NDP: variants seen among roughly 807,000 people sequenced by gnomAD.
The protein encoded by NDP is norrin cystine knot growth factor NDP, also known as norrin.
A neutral mutation model predicts 8.4 loss-of-function variants in NDP; 2 were observed. That is an observed-to-expected ratio of 0.24 (90% CI 0.10 to 0.75). The LOEUF (loss-of-function observed/expected upper bound fraction) is 0.75, where lower values mean the gene tolerates loss of function less well. NDP is among the 30% of genes least tolerant of loss of function. The probability of loss-of-function intolerance (pLI) is 0.73; values close to 1 mark genes in which losing one functional copy is unlikely to be tolerated. For missense variants in NDP, 81 were observed against 110.1 expected (o/e 0.74, Z 1.18); for synonymous variants, 55 against 45.6 (o/e 1.21, Z -0.83).
At chrX:43,967,078 A>T (rs1363960028) in intron 1 of NDP, among the ~76,000 whole-genome samples, 3 of 111,140 alleles carry the variant, frequency 2.7e-5, no homozygotes, top group Admixed American at 9.6e-5. Flanking sequence ...GTGTCCCTAT[A>T]TTGCTGATAA....
At chrX:43,972,479 A>G (rs369130100) in intron 1 of NDP, among the ~76,000 whole-genome samples, 1 of 111,626 alleles carries the variant, frequency 9.0e-6, no homozygotes, top group Non-Finnish European at 1.9e-5. Flanking sequence ...GGTAGGAGTC[A>G]TTCCTACAGG....
chrX:43,952,485 T>G (rs1602064548), intron 2 of NDP, among the ~76,000 whole-genome samples: 1 of 112,239 alleles, frequency 8.9e-6, no homozygotes, highest in East Asian at 2.8e-4. Context: ...GGGCCAACAA[T>G]GATATGGGAC....
intron 1 of NDP, among the ~76,000 whole-genome samples, chrX:43,967,296 A>G (rs978125846): frequency 9.0e-6 from 1 of 111,590 alleles, no homozygotes; most frequent in Admixed American, 9.5e-5. Context: ...AATCACAGCA[A>G]TGCAATGAGC....
chrX:43,961,109 A>C (rs1215572763), intron 1 of NDP, among the ~76,000 whole-genome samples: 4 of 112,767 alleles, frequency 3.5e-5, no homozygotes, highest in Non-Finnish European at 3.7e-5. Context: ...TGAAAATTAA[A>C]GTACTTTGAA....
intron 2 of NDP, among the ~76,000 whole-genome samples, chrX:43,954,014 A>G (rs1360286643): frequency 8.9e-6 from 1 of 112,560 alleles, no homozygotes; most frequent in Non-Finnish European, 1.9e-5. Flanking sequence ...CACCATTAGC[A>G]TCAGAATAAA....
chrX:43,956,595 T>C (rs113939155), intron 2 of NDP, among the ~76,000 whole-genome samples: 2,565 of 111,555 alleles, frequency 0.023, 75 homozygotes, highest in African/African-American at 0.077. Context: ...TAGAGAAAAA[T>C]CTAACCTAGA....
chrX:43,956,454 G>A (rs1258498797), intron 2 of NDP, among the ~76,000 whole-genome samples: 1 of 111,969 alleles, frequency 8.9e-6, no homozygotes, highest in East Asian at 2.8e-4. Flanking sequence ...TAGGCTAAAT[G>A]TTTTATCCAA....
At chrX:43,955,980 G>A (rs978926377) in intron 2 of NDP, among the ~76,000 whole-genome samples, 1 of 112,225 alleles carries the variant, frequency 8.9e-6, no homozygotes, top group Non-Finnish European at 1.9e-5. Flanking sequence ...TTCTACTTGT[G>A]TTCCTCCAAT....
chrX:43,957,551 T>G (rs2035801841), intron 2 of NDP, among the ~76,000 whole-genome samples: 1 of 110,578 alleles, frequency 9.0e-6, no homozygotes, highest in Non-Finnish European at 1.9e-5. Flanking sequence ...AGTCATAATG[T>G]TTTTGAATGG....
At chrX:43,955,298 T>C (rs772055636) in intron 2 of NDP, among the ~76,000 whole-genome samples, 38 of 112,409 alleles carry the variant, frequency 3.4e-4, no homozygotes, top group Admixed American at 9.4e-4. Flanking sequence ...ATTAAATGGC[T>C]ATTATGTGCT....
At chrX:43,970,853 A>G (rs755668466) in intron 1 of NDP, among the ~76,000 whole-genome samples, 1 of 112,053 alleles carries the variant, frequency 8.9e-6, no homozygotes, top group African/African-American at 3.2e-5. Context: ...CAGGGTGCTC[A>G]GGAGAGCAGA....
intron 1 of NDP, among the ~76,000 whole-genome samples, chrX:43,964,206 C>G (rs1017283819): frequency 6.3e-5 from 7 of 111,539 alleles, no homozygotes; most frequent in Admixed American, 1.9e-4. Flanking sequence ...TTCTCCCAAC[C>G]TGCACTACTA....
chrX:43,970,527 C>T (rs747059995), intron 1 of NDP, among the ~76,000 whole-genome samples: 2 of 109,536 alleles, frequency 1.8e-5, no homozygotes, highest in South Asian at 3.9e-4. Context: ...TTTTTTTTTT[C>T]CCCCAGTAAC....
At chrX:43,950,922 G>A (rs1360578231) in intron 2 of NDP, among the ~76,000 whole-genome samples, 1 of 111,483 alleles carries the variant, frequency 9.0e-6, no homozygotes, top group Non-Finnish European at 1.9e-5. Flanking sequence ...TGGAAAAAAG[G>A]ATCATTTATG....
At chrX:43,962,932 C>A (rs2035834731) in intron 1 of NDP, among the ~76,000 whole-genome samples, 2 of 112,276 alleles carry the variant, frequency 1.8e-5, no homozygotes, top group African/African-American at 6.5e-5. Flanking sequence ...CGGGCCCAGC[C>A]TCCTGGGTGA....
intron 2 of NDP, 135 bp from the exon 3 acceptor site, chrX:43,950,161 AT>A (rs112297052): frequency 7.5e-5 from 41 of 547,145 alleles, no homozygotes; most frequent in African/African-American, 4.2e-4. Context: ...TGCATGTTGC[AT>A]TTTTTTTAAG....
At chrX:43,957,991 T>G (rs1181844188) in intron 2 of NDP, among the ~76,000 whole-genome samples, 3 of 110,106 alleles carry the variant, frequency 2.7e-5, no homozygotes, top group African/African-American at 9.9e-5. Flanking sequence ...TATTGCCATC[T>G]TATCTTTTGA....
intron 2 of NDP, among the ~76,000 whole-genome samples, chrX:43,951,302 C>A (rs2035760102): frequency 9.1e-6 from 1 of 109,368 alleles, no homozygotes; most frequent in Non-Finnish European, 1.9e-5. Context: ...GTAGTCCCAG[C>A]TACTTTGGCA....
At chrX:43,956,589 G>A (rs2035794229) in intron 2 of NDP, among the ~76,000 whole-genome samples, 1 of 111,718 alleles carries the variant, frequency 9.0e-6, no homozygotes, top group Admixed American at 9.5e-5. Flanking sequence ...GATACATAGA[G>A]AAAAATCTAA....
Sources: allele counts gnomAD v4.1 joint callset (sites outside exome capture counted in the v4.1 genomes callset), GRCh38; gene constraint gnomAD v4.1.1; transcripts MANE v1.5; gene names NCBI Gene and HGNC (gene_info 2026-07-23, HGNC 2026-07-21).